Variants in GABBR2 observed in about 807,000 individuals in gnomAD.
GABBR2 encodes the protein gamma-aminobutyric acid type B receptor subunit 2, also known as G-protein coupled receptor 51.
A neutral mutation model predicts 105.6 loss-of-function variants in GABBR2; 23 were observed. The observed-to-expected ratio is 0.22, with a 90% confidence interval of 0.16 to 0.31. The LOEUF is 0.31. Ranked by LOEUF, GABBR2 falls within the 10% of genes least tolerant of loss-of-function variation. The pLI is 1.00. For synonymous variants in GABBR2, 478 were observed against 499.7 expected (o/e 0.96, Z 0.58); for missense variants, 734 against 1,245.5 (o/e 0.59, Z 6.18).
chr9:98,322,563 C>T lies in GABBR2; in HGVS notation c.1894-11358G>A, dbSNP rs1268325885. Among the ~76,000 whole-genome samples the T allele has an allele frequency of 3.3e-5, 5 of 151,742 alleles. 1 individual carries two copies. Among genetic ancestry groups the T allele is most frequent in the South Asian group, 4.2e-4 (2 of 4,800 alleles). ...CTCCCCAGACTGCAGTAAAGACATC[C>T]GGGCCCCATGATCCTGGCTCCCATC... On this transcript the variant is annotated intron_variant, in intron 13 of 18. Coordinates refer to ENST00000259455, the MANE Select transcript of GABBR2 (RefSeq NM_005458.8).
chr9:98,530,952 C>A (rs958348691), intron 3 of GABBR2, among the ~76,000 whole-genome samples: 1 of 152,092 alleles, frequency 6.6e-6, no homozygotes, highest in African/African-American at 2.4e-5. Context: ...AGGCTTGAGT[C>A]CTGCCCTGGG....
chr9:98,412,192 CA>C (rs1832602697), intron 7 of GABBR2, among the ~76,000 whole-genome samples: 1 of 152,178 alleles, frequency 6.6e-6, no homozygotes, highest in Admixed American at 6.5e-5. Flanking sequence ...GGGGAGCTTT[CA>C]TGCTTCAGCC....
intron 6 of GABBR2, among the ~76,000 whole-genome samples, chr9:98,456,912 G>A (rs1826334376): frequency 6.6e-6 from 1 of 152,056 alleles, no homozygotes; most frequent in Admixed American, 6.5e-5. Context: ...ATTATGTTAG[G>A]TGAATTTCCT....
At chr9:98,601,083 C>T (rs1461011923) in intron 1 of GABBR2, among the ~76,000 whole-genome samples, 3 of 152,192 alleles carry the variant, frequency 2.0e-5, no homozygotes, top group Non-Finnish European at 2.9e-5. Flanking sequence ...CCCTGTGCCC[C>T]ACTGACCTCA....
At chr9:98,304,628 A>C (rs1447634046) in intron 15 of GABBR2, among the ~76,000 whole-genome samples, 2 of 152,220 alleles carry the variant, frequency 1.3e-5, no homozygotes, top group African/African-American at 4.8e-5. Context: ...GGCTGACTGC[A>C]TGTCCAGGAG....
intron 8 of GABBR2, among the ~76,000 whole-genome samples, chr9:98,399,530 G>A (rs1245311322): frequency 6.6e-6 from 1 of 152,086 alleles, no homozygotes; most frequent in Non-Finnish European, 1.5e-5. Flanking sequence ...TGGATGGGCT[G>A]TGGGCTCCCT....
At chr9:98,699,443 A>G (rs1299955413) in intron 1 of GABBR2, among the ~76,000 whole-genome samples, 1 of 152,118 alleles carries the variant, frequency 6.6e-6, no homozygotes, top group African/African-American at 2.4e-5. Flanking sequence ...TCACCCTCAC[A>G]TGGCTTGGCA....
intron 3 of GABBR2, among the ~76,000 whole-genome samples, chr9:98,532,107 A>C (rs1828078436): frequency 6.6e-6 from 1 of 152,240 alleles, no homozygotes; most frequent in South Asian, 2.1e-4. Context: ...ACTTTTTCCT[A>C]GTGTATAATA....
At chr9:98,686,008 G>C (rs1378064151) in intron 1 of GABBR2, among the ~76,000 whole-genome samples, 1 of 152,074 alleles carries the variant, frequency 6.6e-6, no homozygotes, top group African/African-American at 2.4e-5. Flanking sequence ...CTTTAGTCAG[G>C]CTCCTCTGAT....
At chr9:98,342,209 A>G (rs1831225721) in intron 13 of GABBR2, among the ~76,000 whole-genome samples, 1 of 152,026 alleles carries the variant, frequency 6.6e-6, no homozygotes, top group African/African-American at 2.4e-5. Flanking sequence ...GCTGCCTCTC[A>G]AAGGTCAAGC....
At chr9:98,588,163 G>A (rs1829101716) in intron 1 of GABBR2, among the ~76,000 whole-genome samples, 1 of 152,202 alleles carries the variant, frequency 6.6e-6, no homozygotes. Flanking sequence ...CTGTTCATCT[G>A]TGGGTGATTT....
chr9:98,440,083 C>T (rs531881052), intron 7 of GABBR2, among the ~76,000 whole-genome samples: 1 of 152,304 alleles, frequency 6.6e-6, no homozygotes, highest in Non-Finnish European at 1.5e-5. Context: ...AAGGATACAC[C>T]TGCTCCTAGG....
chr9:98,504,039 CT>C (rs1588199674), intron 3 of GABBR2, among the ~76,000 whole-genome samples: 3 of 152,178 alleles, frequency 2.0e-5, no homozygotes, highest in Non-Finnish European at 4.4e-5. Context: ...CCCGAGCCCC[CT>C]GTCCCCATCT....
rs533615750 is a variant in GABBR2 at position 98,708,406 on chromosome 9, C to G, written c.321+11G>C. ...CCGAAGCCCCGACGGCAGGGGCAGC[C>G]GGACACTCACCTCCGTGTCATAGAG... On this transcript the variant is annotated intron_variant, in intron 1 of 18. Coordinates refer to ENST00000259455, the MANE Select transcript of GABBR2 (RefSeq NM_005458.8). 9.3e-6 allele frequency: 13 copies of G among 1,396,702 alleles called. No homozygotes were observed. In the Admixed American group the frequency reaches 2.3e-4, roughly 25 times the overall value. 86.5% of individuals were successfully genotyped at this position (1,396,702 alleles called of 1,614,324 possible). A position where few individuals can be genotyped will look rare whatever the true frequency, so the allele number is the denominator to read the frequency against.
intron 1 of GABBR2, among the ~76,000 whole-genome samples, chr9:98,586,783 C>A (rs1304009372): frequency 2.0e-5 from 3 of 152,230 alleles, no homozygotes; most frequent in South Asian, 4.1e-4. Flanking sequence ...GTGGTTCATT[C>A]ATTTTCATAG....
intron 13 of GABBR2, among the ~76,000 whole-genome samples, chr9:98,357,611 C>T (rs1831507756): frequency 6.6e-6 from 1 of 152,070 alleles, no homozygotes. Context: ...CATTGCACTC[C>T]AGTCTGGGTA....
chr9:98,606,569 C>G (rs1829425802), intron 1 of GABBR2, among the ~76,000 whole-genome samples: 1 of 151,020 alleles, frequency 6.6e-6, no homozygotes, highest in South Asian at 2.1e-4. Flanking sequence ...CAACCTCCAC[C>G]TCCCAGGTTC....
At chr9:98,563,600 C>T (rs557435880) in intron 2 of GABBR2, among the ~76,000 whole-genome samples, 1 of 152,250 alleles carries the variant, frequency 6.6e-6, no homozygotes, top group South Asian at 2.1e-4. Context: ...GGAAGTCATT[C>T]CCTCATACTT....
intron 6 of GABBR2, among the ~76,000 whole-genome samples, chr9:98,471,681 A>T (rs1826685851): frequency 6.6e-6 from 1 of 152,104 alleles, no homozygotes; most frequent in Non-Finnish European, 1.5e-5. Flanking sequence ...GTCTTCCTGA[A>T]GCCTCTCCAT....
Sources: gnomAD v4.1 joint callset for allele counts (sites outside exome capture counted in the v4.1 genomes callset) on GRCh38, gnomAD v4.1.1 for gene constraint, MANE v1.5 for transcripts, NCBI Gene and HGNC (gene_info 2026-07-23, HGNC 2026-07-21) for gene names.